MYO18B: variants seen among roughly 807,000 people sequenced by gnomAD.
MYO18B encodes the protein myosin XVIIIB, also known as unconventional myosin-XVIIIb.
MYO18B carries 204 observed loss-of-function variants against 273.0 expected under a neutral mutation model. The observed-to-expected ratio is 0.75, with a 90% CI of 0.67 to 0.84. MYO18B has a LOEUF of 0.84. Among genes scored for constraint, MYO18B ranks in the 40% least tolerant of loss-of-function variants. The pLI is 0.00. For missense variants in MYO18B, 3,212 were observed against 3,287.6 expected (o/e 0.98, Z 0.56); for synonymous variants, 1,330 against 1,305.7 (o/e 1.02, Z -0.40).
Position 25,822,270 on chromosome 22 carries a change from C to T in MYO18B, c.2522-1235C>T, listed in dbSNP as rs115398160. ...GGTTCTTTATGTAGTACCTCCTTCT[C>T]ACCTTTCATAGCTCAGTTAATACAT... On this transcript the variant is annotated intron_variant, in intron 12 of 43. Coordinates refer to ENST00000335473, the MANE Select transcript of MYO18B (RefSeq NM_032608.7). 4.1e-3 allele frequency among the ~76,000 whole-genome samples: 619 copies of T among 152,312 alleles called. 4 individuals carry two copies. The highest frequency in any genetic ancestry group is 0.013 in the African/African-American group (555 of 41,558).
At chr22:25,764,211 A>C (rs1251940931) in intron 3 of MYO18B, among the ~76,000 whole-genome samples, 1 of 152,236 alleles carries the variant, frequency 6.6e-6, no homozygotes, top group Non-Finnish European at 1.5e-5. Context: ...GCAATAGTTG[A>C]ATGCAATGTG....
At chr22:25,834,724 A>T (rs2089836004) in intron 16 of MYO18B, among the ~76,000 whole-genome samples, 1 of 152,082 alleles carries the variant, frequency 6.6e-6, no homozygotes, top group African/African-American at 2.4e-5. Flanking sequence ...GGTTGAGTAG[A>T]TGGTCTCTGA....
At chr22:25,829,051 C>T (rs1325220859) in intron 15 of MYO18B, 83 bp downstream of exon 15, 16 of 1,438,734 alleles carry the variant, frequency 1.1e-5, no homozygotes, top group Non-Finnish European at 1.5e-5. Flanking sequence ...ATTCCCATTC[C>T]CCAGGAGCCT....
chr22:25,895,041 T>C (rs2091763522), intron 27 of MYO18B, 115 bp from the exon 28 acceptor site: 1 of 1,268,704 alleles, frequency 7.9e-7, no homozygotes, highest in African/African-American at 1.5e-5. Context: ...TCAAGGGCTC[T>C]GTGAATATTG....
intron 12 of MYO18B, among the ~76,000 whole-genome samples, chr22:25,802,378 T>G (rs2088240530): frequency 6.6e-6 from 1 of 151,722 alleles, no homozygotes; most frequent in Non-Finnish European, 1.5e-5. Context: ...TCCATGGAGG[T>G]TTCTCTATGC....
chr22:25,761,209 C>T, intron 2 of MYO18B, 78 bp downstream of exon 2: 3 of 1,528,270 alleles, frequency 2.0e-6, no homozygotes, highest in Non-Finnish European at 2.7e-6. Context: ...CCGACCTTTC[C>T]CACCTTGAGT....
intron 21 of MYO18B, among the ~76,000 whole-genome samples, chr22:25,862,846 TGG>T (rs695260): frequency 6.8e-6 from 1 of 147,638 alleles, no homozygotes; most frequent in Middle Eastern, 3.2e-3. Context: ...ACTTTTTTTT[TGG>T]GGGGGGGTGT....
At position 25,823,518 on chromosome 22, in the gene MYO18B, G is replaced by A. The variant is rs1465711255; in HGVS notation, c.2535G>A (p.Gln845=). ...TCCCCTTTGCAGTGGGTCGGAAGCA[G>A]TTCATGAGGTTTGAGTGGGCAAACT... ...AAGACKVGRK[Q]FMRFEWANYA... is the part of the protein sequence containing the mutation. The change falls in exon 13 of 44, where the codon CAG becomes CAA. Residue 845 remains glutamine, a synonymous_variant. Transcript: ENST00000335473. The A allele has an allele frequency of 6.2e-7, 1 of 1,613,958 alleles. No homozygotes were observed. The highest frequency in any genetic ancestry group is 2.2e-5 in the East Asian group (1 of 44,854).
At chr22:26,041,254 C>G in the MYO18B span, among the ~76,000 whole-genome samples, 1 of 150,150 alleles carries the variant, frequency 6.7e-6, no homozygotes, top group African/African-American at 2.5e-5. Flanking sequence ...ATTGGTCACG[C>G]CTGTAATCCC....
chr22:25,870,304 G>A (rs897796914), intron 22 of MYO18B, among the ~76,000 whole-genome samples: 3 of 152,192 alleles, frequency 2.0e-5, no homozygotes, highest in Admixed American at 6.5e-5. Flanking sequence ...CACAAACACA[G>A]ATGGGATAGC....
intron 11 of MYO18B, among the ~76,000 whole-genome samples, chr22:25,795,436 A>G (rs2087867153): frequency 6.6e-6 from 1 of 152,160 alleles, no homozygotes; most frequent in South Asian, 2.1e-4. Context: ...AATGAGCTTT[A>G]GTGGAAGTTT....
At chr22:25,999,399 A>T (rs921547743) in intron 40 of MYO18B, among the ~76,000 whole-genome samples, 21 of 152,200 alleles carry the variant, frequency 1.4e-4, no homozygotes, top group African/African-American at 4.8e-4. Context: ...TTTAGACTGG[A>T]ATTGTCTGGC....
At chr22:25,760,434 A>AAAC (rs59165419) in intron 1 of MYO18B, among the ~76,000 whole-genome samples, 1,775 of 111,402 alleles carry the variant, frequency 0.016, 143 homozygotes, top group East Asian at 0.054. Flanking sequence ...AAAAAAAAAA[A>AAAC]CACAAAAACA....
intron 39 of MYO18B, among the ~76,000 whole-genome samples, chr22:25,970,441 G>GTGTCC: frequency 6.6e-6 from 1 of 152,134 alleles, no homozygotes; most frequent in East Asian, 1.9e-4. Flanking sequence ...TTTGTGCTCA[G>GTGTCC]TGTCCTGAGT....
chr22:25,944,692 C>T (rs2092684009), intron 34 of MYO18B, among the ~76,000 whole-genome samples: 1 of 151,918 alleles, frequency 6.6e-6, no homozygotes, highest in Admixed American at 6.6e-5. Flanking sequence ...TACTAAAAAA[C>T]AAAAATTAGC....
intron 9 of MYO18B, 80 bp downstream of exon 9, chr22:25,780,278 C>G: frequency 1.4e-6 from 2 of 1,470,084 alleles, no homozygotes; most frequent in Non-Finnish European, 1.8e-6. Flanking sequence ...GAGCCCACGC[C>G]TCCAGCTGGG....
chr22:25,785,361 G>C, intron 10 of MYO18B, 67 bp from the exon 11 acceptor site: 1 of 1,497,146 alleles, frequency 6.7e-7, no homozygotes, highest in South Asian at 1.2e-5. Flanking sequence ...ACACTGTGAC[G>C]ACCACCTGCC....
At chr22:25,955,462 TG>T in intron 39 of MYO18B, 98 bp downstream of exon 39, 1 of 1,322,364 alleles carries the variant, frequency 7.6e-7, no homozygotes. Flanking sequence ...CTCATAGGTT[TG>T]GGTCCTGGGC....
intron 12 of MYO18B, among the ~76,000 whole-genome samples, chr22:25,799,342 C>T (rs2088081984): frequency 6.6e-6 from 1 of 152,170 alleles, no homozygotes; most frequent in Admixed American, 6.6e-5. Flanking sequence ...GCATTCAAAG[C>T]TCCTCACCTC....
Sources: allele counts gnomAD v4.1 joint callset (sites outside exome capture counted in the v4.1 genomes callset), GRCh38; gene constraint gnomAD v4.1.1; transcripts MANE v1.5; gene names NCBI Gene and HGNC (gene_info 2026-07-23, HGNC 2026-07-21).